MTMR3: variants seen among roughly 807,000 people sequenced by gnomAD.
MTMR3 encodes phosphatidylinositol-3,5-bisphosphate 3-phosphatase MTMR3.
In MTMR3, 32 loss-of-function variants were observed where a neutral mutation model predicts 132.4. The ratio of observed to expected loss-of-function variants is 0.24; its 90% confidence interval spans 0.18 to 0.32. The LOEUF (loss-of-function observed/expected upper bound fraction) is 0.32, where lower values mean the gene tolerates loss of function less well. Among genes scored for constraint, MTMR3 ranks in the 10% least tolerant of loss-of-function variants. MTMR3 has a pLI of 1.00. For missense variants in MTMR3, 1,216 were observed against 1,489.6 expected, an observed-to-expected ratio of 0.82 and a Z score of 3.02; for synonymous variants, 556 against 550.3, an observed-to-expected ratio of 1.01 and a Z score of -0.14.
Position 29,991,522 on chromosome 22 carries a change from T to G in MTMR3, c.312T>G (p.Phe104Leu). The G allele has an allele frequency of 6.2e-7, 1 of 1,612,654 alleles. No individual in the cohort carries two copies. Among genetic ancestry groups the G allele is most frequent in the Non-Finnish European group, 8.5e-7 (1 of 1,179,520 alleles). ...CKVIRCQFST[F>L]EQCQEWLKRL... is the part of the protein sequence containing the mutation. The stretch of plus-strand genomic sequence containing the variant: ...ACAAAAGGTGTCAGTTTTCAACCTT[T>G]GAGCAGTGTCAAGAGTGGCTGAAGA... The change falls in exon 7 of 20, where the codon TTT becomes TTG. Residue 104 changes from phenylalanine (F) to leucine (L), a missense_variant. Physicochemically the swap from Phe to Leu is conservative, Grantham distance 22. Around this residue, in one of 7 missense-constraint regions of MTMR3, gnomAD observed 129 missense variants for 245.7 expected, o/e 0.53. Transcript: ENST00000401950.
intron 1 of MTMR3, among the ~76,000 whole-genome samples, chr22:29,906,355 G>A (rs1027530661): frequency 2.0e-5 from 3 of 148,882 alleles, no homozygotes; most frequent in African/African-American, 5.0e-5. Flanking sequence ...TATCTATGAC[G>A]GAGTCTTGCT....
At chr22:29,983,213 GC>G (rs2066790969) in intron 5 of MTMR3, 1 of 152,176 alleles carries the variant, frequency 6.6e-6, no homozygotes, top group Admixed American at 6.5e-5. Flanking sequence ...TAAGGAAAAA[GC>G]CCTGCAGTTT....
intron 3 of MTMR3, among the ~76,000 whole-genome samples, chr22:29,971,809 G>A (rs978616890): frequency 6.6e-6 from 1 of 152,012 alleles, no homozygotes; most frequent in Non-Finnish European, 1.5e-5. Flanking sequence ...TCAATCCTGA[G>A]GAAATGTAAA....
At chr22:30,005,024 G>T (rs2067247083) in intron 9 of MTMR3, 1 of 152,208 alleles carries the variant, frequency 6.6e-6, no homozygotes, top group Admixed American at 6.5e-5. Context: ...GATGTAAAGG[G>T]CACCCATCTG....
At chr22:30,017,809 G>T in intron 15 of MTMR3, 118 bp from the exon 16 acceptor site, 1 of 1,281,152 alleles carries the variant, frequency 7.8e-7, no homozygotes. Flanking sequence ...CTTCTTTGTG[G>T]AGATCCTGTC....
In MTMR3 at chr22:30,029,206, G is replaced by T. The variant is rs2067969154; in HGVS notation, c.*3405G>T. 1 of 152,286 alleles carries T rather than the reference G, an allele frequency of 6.6e-6. No individual in the cohort carries two copies. Among genetic ancestry groups the T allele is most frequent in the African/African-American group, 2.4e-5 (1 of 41,416 alleles). The allele number at this position is 152,286 out of a possible 1,614,324, so 9.4% of individuals were successfully genotyped here. ...GAGGGAATTTGGTCTGAAGCAACAG[G>T]GCATGAACTGTGACTTTGAGCTGCC... On this transcript the variant is annotated 3_prime_UTR_variant, in exon 20 of 20. Coordinates refer to ENST00000401950, the MANE Select transcript of MTMR3 (RefSeq NM_021090.4).
At chr22:29,887,886 CAG>C (rs60190767) in intron 1 of MTMR3, among the ~76,000 whole-genome samples, 7,248 of 152,238 alleles carry the variant, frequency 0.048, 583 homozygotes, top group African/African-American at 0.17. Flanking sequence ...AATATAGACA[CAG>C]AGGTATTGTC....
At chr22:29,905,753 T>C (rs920020422) in intron 1 of MTMR3, among the ~76,000 whole-genome samples, 4 of 152,344 alleles carry the variant, frequency 2.6e-5, no homozygotes, top group Middle Eastern at 3.4e-3. Context: ...CTTGCATCTT[T>C]TATTACTGTA....
rs192585333 is a variant in MTMR3 at position 30,029,799 on chromosome 22, A to G, written c.*3998A>G. The G allele has an allele frequency of 2.0e-5, 3 of 152,464 alleles. No individual in the cohort carries two copies. In the East Asian group the frequency reaches 5.6e-4, roughly 29 times the overall value. The allele number at this position is 152,464 out of a possible 1,614,324, so 9.4% of individuals were successfully genotyped here. Reference sequence around the variant, plus strand: ...GGGCTGTGGAGCAAAGTGACTATCCATTTGGACTTTTGGATAATGTGGCAG... The same window carrying G: ...GGGCTGTGGAGCAAAGTGACTATCCGTTTGGACTTTTGGATAATGTGGCAG... On this transcript the variant is annotated 3_prime_UTR_variant, in exon 20 of 20. Transcript: ENST00000401950.
chr22:29,964,787 A>C (rs757890173), intron 2 of MTMR3, among the ~76,000 whole-genome samples: 1 of 152,178 alleles, frequency 6.6e-6, no homozygotes, highest in Non-Finnish European at 1.5e-5. Flanking sequence ...CTTAAAATCA[A>C]ATCACGTCAC....
At chr22:29,901,658 C>CT (rs1568996412) in intron 1 of MTMR3, among the ~76,000 whole-genome samples, 1 of 152,028 alleles carries the variant, frequency 6.6e-6, no homozygotes. Flanking sequence ...GTTGTATTGT[C>CT]TTTTTTTCAG....
intron 1 of MTMR3, among the ~76,000 whole-genome samples, chr22:29,917,935 G>A (rs1233482015): frequency 6.6e-6 from 1 of 152,074 alleles, no homozygotes; most frequent in Non-Finnish European, 1.5e-5. Flanking sequence ...CTATTAAATG[G>A]GATTTGAATA....
intron 1 of MTMR3, among the ~76,000 whole-genome samples, chr22:29,944,953 TAGC>T (rs1207677316): frequency 6.6e-6 from 1 of 152,248 alleles, no homozygotes; most frequent in African/African-American, 2.4e-5. Context: ...TTTATAATAA[TAGC>T]AGATTTCTCC....
intron 1 of MTMR3, among the ~76,000 whole-genome samples, chr22:29,937,393 C>CT (rs1004709004): frequency 6.7e-6 from 1 of 148,838 alleles, no homozygotes; most frequent in African/African-American, 2.5e-5. Flanking sequence ...TGCTTGTTCA[C>CT]TTTTTTCTTT....
Position 30,018,124 on chromosome 22 carries a change from G to A in MTMR3, c.1820+52G>A, listed in dbSNP as rs779176419. 30 of 1,523,382 alleles carry A rather than the reference G, an allele frequency of 2.0e-5. No homozygotes were observed. In the East Asian group the frequency reaches 7.1e-4, roughly 36 times the overall value. 94.4% of individuals were successfully genotyped at this position (1,523,382 alleles called of 1,614,324 possible). Reference sequence around the variant, plus strand: ...TGACAGCCTGTGTGGGTGTATTCCTGTGTTGGGACGTGTGCAGGGATGGTC... The same window carrying A: ...TGACAGCCTGTGTGGGTGTATTCCTATGTTGGGACGTGTGCAGGGATGGTC... On this transcript the variant is annotated intron_variant, in intron 16 of 19. Transcript: ENST00000401950.
intron 2 of MTMR3, among the ~76,000 whole-genome samples, chr22:29,961,749 C>G (rs147521760): frequency 6.6e-6 from 1 of 152,206 alleles, no homozygotes; most frequent in Non-Finnish European, 1.5e-5. Context: ...ACTCACTACT[C>G]ACTGACATAC....
At chr22:29,884,254 CCAAA>C (rs1250323075) in intron 1 of MTMR3, among the ~76,000 whole-genome samples, 11 of 147,750 alleles carry the variant, frequency 7.4e-5, no homozygotes, top group African/African-American at 2.2e-4. Context: ...TTTCCACAAC[CCAAA>C]CAAACAAAAC....
intron 2 of MTMR3, among the ~76,000 whole-genome samples, chr22:29,968,928 C>T (rs2066480506): frequency 6.6e-6 from 1 of 152,162 alleles, no homozygotes; most frequent in Admixed American, 6.5e-5. Context: ...GGTTCTTCCT[C>T]ATCCTTCCAG....
chr22:29,937,675 C>G (rs1460670916), intron 1 of MTMR3, among the ~76,000 whole-genome samples: 1 of 152,152 alleles, frequency 6.6e-6, no homozygotes, highest in Non-Finnish European at 1.5e-5. Context: ...AGTGTAAACA[C>G]ATCAAAATGC....
Sources: gnomAD v4.1 joint callset for allele counts (sites outside exome capture counted in the v4.1 genomes callset) on GRCh38, gnomAD v4.1.1 for gene constraint, gnomAD v4.1.1 regional missense constraint, MANE v1.5 for transcripts, NCBI Gene and HGNC (gene_info 2026-07-23, HGNC 2026-07-21) for gene names.